SLC2A13: variants seen among roughly 807,000 people sequenced by gnomAD.
SLC2A13 encodes proton myo-inositol cotransporter.
SLC2A13 carries 32 observed loss-of-function variants against 64.4 expected under a neutral mutation model. The ratio of observed to expected loss-of-function variants is 0.50; its 90% CI spans 0.37 to 0.67. The LOEUF (loss-of-function observed/expected upper bound fraction) is 0.67. SLC2A13 is among the 30% of genes least tolerant of loss of function. SLC2A13 has a pLI of 0.00. For missense variants in SLC2A13, 743 were observed against 829.2 expected (o/e 0.90, Z 1.28); for synonymous variants, 338 against 327.1 (o/e 1.03, Z -0.36).
intron 3 of SLC2A13, among the ~76,000 whole-genome samples, chr12:39,991,846 T>C (rs2136167739): frequency 6.6e-6 from 1 of 152,344 alleles, no homozygotes; most frequent in East Asian, 1.9e-4. Context: ...AGTTATTTTG[T>C]TTCTGATGTA....
intron 4 of SLC2A13, among the ~76,000 whole-genome samples, chr12:39,919,036 A>C (rs772647522): frequency 2.6e-5 from 4 of 151,514 alleles, no homozygotes; most frequent in Non-Finnish European, 5.9e-5. Context: ...GATGGAGTGC[A>C]GTGGTTCAAT....
At chr12:40,072,825 C>A (rs1938015817) in intron 1 of SLC2A13, among the ~76,000 whole-genome samples, 2 of 152,018 alleles carry the variant, frequency 1.3e-5, no homozygotes, top group African/African-American at 4.8e-5. Flanking sequence ...CTGCAATCTG[C>A]CTTTTAATTG....
At chr12:40,039,797 G>A (rs890574187) in intron 2 of SLC2A13, among the ~76,000 whole-genome samples, 1 of 152,202 alleles carries the variant, frequency 6.6e-6, no homozygotes, top group African/African-American at 2.4e-5. Context: ...TGCAAGTGAT[G>A]AGCCCACATT....
intron 3 of SLC2A13, among the ~76,000 whole-genome samples, chr12:39,981,276 A>G (rs1392267923): frequency 1.3e-5 from 2 of 151,372 alleles, no homozygotes; most frequent in East Asian, 3.9e-4. Context: ...TAGAAAAGCA[A>G]GAGCAAACAC....
chr12:39,928,707 G>A (rs1243803730), intron 4 of SLC2A13, among the ~76,000 whole-genome samples: 2 of 152,132 alleles, frequency 1.3e-5, no homozygotes, highest in Non-Finnish European at 2.9e-5. Flanking sequence ...ATTAAAGTTT[G>A]TATGCAAGGA....
intron 1 of SLC2A13, among the ~76,000 whole-genome samples, chr12:40,055,977 CA>C (rs1021949582): frequency 1.5e-5 from 2 of 135,498 alleles, no homozygotes; most frequent in Admixed American, 7.5e-5. Flanking sequence ...CTCCACAGGC[CA>C]AAAAAAACAA....
At chr12:40,064,212 T>C (rs963350341) in intron 1 of SLC2A13, among the ~76,000 whole-genome samples, 1 of 152,082 alleles carries the variant, frequency 6.6e-6, no homozygotes, top group Non-Finnish European at 1.5e-5. Flanking sequence ...TCCACTGTAC[T>C]CCAGCCTGGG....
At chr12:39,817,805 G>A (rs921313008) in intron 7 of SLC2A13, among the ~76,000 whole-genome samples, 2 of 152,046 alleles carry the variant, frequency 1.3e-5, no homozygotes, top group African/African-American at 4.8e-5. Context: ...CAGTATACCC[G>A]GGGCAATTCT....
chr12:39,985,904 T>C (rs1387543573), intron 3 of SLC2A13, among the ~76,000 whole-genome samples: 3 of 152,144 alleles, frequency 2.0e-5, no homozygotes, highest in African/African-American at 7.2e-5. Context: ...GCTGCTATAA[T>C]AGTGCCATAA....
chr12:39,815,175 T>C (rs1371290996), intron 7 of SLC2A13, among the ~76,000 whole-genome samples: 1 of 152,182 alleles, frequency 6.6e-6, no homozygotes, highest in Non-Finnish European at 1.5e-5. Context: ...CTCTACATTA[T>C]ACCAGAGCTA....
At chr12:40,063,441 T>C (rs913362707) in intron 1 of SLC2A13, among the ~76,000 whole-genome samples, 2 of 145,036 alleles carry the variant, frequency 1.4e-5, no homozygotes, top group African/African-American at 5.2e-5. Context: ...CATCGAAGCA[T>C]AATGCCTACA....
intron 1 of SLC2A13, among the ~76,000 whole-genome samples, chr12:40,081,946 G>A (rs1938418279): frequency 6.6e-6 from 1 of 152,292 alleles, no homozygotes; most frequent in South Asian, 2.1e-4. Context: ...ATTGCAGGGG[G>A]CCAAGGCTCA....
intron 1 of SLC2A13, among the ~76,000 whole-genome samples, chr12:40,059,876 G>T (rs1948390271): frequency 6.6e-6 from 1 of 152,022 alleles, no homozygotes; most frequent in Non-Finnish European, 1.5e-5. Context: ...CTGGACTGGG[G>T]GCCTTATAAT....
chr12:40,061,450 A>G (rs532621438), intron 1 of SLC2A13, among the ~76,000 whole-genome samples: 4 of 152,286 alleles, frequency 2.6e-5, no homozygotes, highest in East Asian at 3.9e-4. Flanking sequence ...GGCAAAAAAC[A>G]TAACTAGAAA....
chr12:40,095,781 G>A (rs939796400), intron 1 of SLC2A13, among the ~76,000 whole-genome samples: 2 of 152,174 alleles, frequency 1.3e-5, no homozygotes, highest in African/African-American at 4.8e-5. Flanking sequence ...CTTGTTGAAT[G>A]AAGAAAAATG....
In SLC2A13 at chr12:39,832,205, G is replaced by C. The variant is rs201759712; in HGVS notation, c.1320-1977C>G. Among the ~76,000 whole-genome samples the C allele has an allele frequency of 5.2e-4, 79 of 152,254 alleles. 1 individual carries two copies. In the East Asian group the frequency reaches 0.014, roughly 27 times the overall value. On this transcript the variant is annotated intron_variant, in intron 6 of 9. Transcript: ENST00000280871. The stretch of plus-strand genomic sequence containing the variant: ...TGAAGGCTTTAGAAGTAAGTACACT[G>C]AGTGTCTGGCTTTGAGAACCAGACT...
chr12:39,853,632 C>G (rs1943528119), intron 6 of SLC2A13, among the ~76,000 whole-genome samples: 2 of 135,514 alleles, frequency 1.5e-5, no homozygotes, highest in Admixed American at 1.6e-4. Context: ...AAGTAATTTT[C>G]CTAGAAATCT....
chr12:39,787,702 GAATA>G lies in SLC2A13; in HGVS notation c.1446-22848_1446-22845del, dbSNP rs554265167. On this transcript the variant is annotated intron_variant, in intron 7 of 9. Transcript: ENST00000280871. ...TTAGGATAAATTTTAGCATGCAAAT[GAATA>G]AATAGCAAGGGCAAGAGACAAGATA... Among the ~76,000 whole-genome samples, 517 of 152,252 alleles carry G rather than the reference GAATA, an allele frequency of 3.4e-3. 3 individuals carry two copies. Among genetic ancestry groups the G allele is most frequent in the African/African-American group, 0.012 (491 of 41,542 alleles).
chr12:40,025,480 C>T (rs1947788677), intron 3 of SLC2A13, among the ~76,000 whole-genome samples: 3 of 152,178 alleles, frequency 2.0e-5, no homozygotes, highest in Admixed American at 2.0e-4. Flanking sequence ...CGTCACAAGT[C>T]ACAAATCCAC....
Sources: gnomAD v4.1 joint callset for allele counts (sites outside exome capture counted in the v4.1 genomes callset) on GRCh38, gnomAD v4.1.1 for gene constraint, MANE v1.5 for transcripts, NCBI Gene and HGNC (gene_info 2026-07-23, HGNC 2026-07-21) for gene names.